The following KSR2 variants were observed in gnomAD, a reference collection of about 807,000 sequenced individuals.
KSR2 encodes the protein kinase suppressor of ras 2.
In KSR2, 25 loss-of-function variants were observed where a neutral mutation model predicts 107.8. That is an observed-to-expected ratio of 0.23 (90% CI 0.17 to 0.32). The LOEUF (loss-of-function observed/expected upper bound fraction) is 0.32. Among genes scored for constraint, KSR2 ranks in the 10% least tolerant of loss-of-function variants. KSR2 has a pLI of 1.00. For synonymous variants in KSR2, 480 were observed against 507.0 expected, an observed-to-expected ratio of 0.95 and a Z score of 0.71; for missense variants, 887 against 1,268.9, an observed-to-expected ratio of 0.70 and a Z score of 4.57.
chr12:117,808,675 T>C (rs552375793), intron 3 of KSR2, among the ~76,000 whole-genome samples: 65 of 152,210 alleles, frequency 4.3e-4, no homozygotes, highest in Non-Finnish European at 4.7e-4. Flanking sequence ...TGCCCATCTC[T>C]CCATCCTCAA....
At chr12:117,710,213 G>A (rs768367341) in intron 4 of KSR2, among the ~76,000 whole-genome samples, 6 of 149,632 alleles carry the variant, frequency 4.0e-5, no homozygotes, top group Admixed American at 2.7e-4. Flanking sequence ...TCAAACCATC[G>A]CTGCTGTTTT....
intron 2 of KSR2, among the ~76,000 whole-genome samples, chr12:117,857,776 G>C (rs549868316): frequency 6.6e-6 from 1 of 152,306 alleles, no homozygotes; most frequent in South Asian, 2.1e-4. Context: ...AGGTCACACA[G>C]CAAGTCATTG....
chr12:117,860,868 G>A (rs1196832270), intron 1 of KSR2, among the ~76,000 whole-genome samples: 8 of 152,072 alleles, frequency 5.3e-5, no homozygotes, highest in Admixed American at 3.9e-4. Flanking sequence ...ACAGGCGCGC[G>A]CCACCATGCC....
chr12:117,693,257 A>G (rs888732572), intron 4 of KSR2, among the ~76,000 whole-genome samples: 16 of 152,224 alleles, frequency 1.1e-4, no homozygotes, highest in Admixed American at 2.6e-4. Flanking sequence ...ACAGTGTGAG[A>G]TAAATACCAA....
intron 12 of KSR2, among the ~76,000 whole-genome samples, chr12:117,528,158 A>T (rs1005211481): frequency 2.0e-5 from 3 of 152,100 alleles, no homozygotes; most frequent in Non-Finnish European, 4.4e-5. Flanking sequence ...GGGTGTACAC[A>T]CAGGATGTTG....
chr12:117,837,618 G>A (rs74817264), intron 3 of KSR2, among the ~76,000 whole-genome samples: 410 of 151,590 alleles, frequency 2.7e-3, no homozygotes, highest in African/African-American at 9.2e-3. Flanking sequence ...TGATCATGAT[G>A]GCACAAGGTC....
chr12:117,720,184 G>T (rs1167316654), intron 4 of KSR2, among the ~76,000 whole-genome samples: 1 of 152,190 alleles, frequency 6.6e-6, no homozygotes, highest in Non-Finnish European at 1.5e-5. Flanking sequence ...GCCCTGATTG[G>T]GCACAGCCAG....
At chr12:117,495,506 G>A (rs1872971680) in intron 14 of KSR2, among the ~76,000 whole-genome samples, 1 of 152,234 alleles carries the variant, frequency 6.6e-6, no homozygotes, top group African/African-American at 2.4e-5. Flanking sequence ...CATTAAGTAA[G>A]GGGCTGGCTG....
chr12:117,666,291 A>G (rs1350472109), intron 5 of KSR2, among the ~76,000 whole-genome samples: 1 of 152,190 alleles, frequency 6.6e-6, no homozygotes, highest in Non-Finnish European at 1.5e-5. Context: ...TATTACATGT[A>G]CCTGCCTTTT....
At chr12:117,839,341 G>A (rs559410139) in intron 3 of KSR2, among the ~76,000 whole-genome samples, 26 of 152,326 alleles carry the variant, frequency 1.7e-4, no homozygotes, top group East Asian at 1.9e-4. Flanking sequence ...GAATCAGCCC[G>A]AGCTCAAGTG....
At chr12:117,557,818 C>T (rs1024277876) in intron 8 of KSR2, among the ~76,000 whole-genome samples, 11 of 152,156 alleles carry the variant, frequency 7.2e-5, no homozygotes, top group Admixed American at 6.5e-4. Context: ...GGGGTGATCA[C>T]CCCATAGGGC....
intron 1 of KSR2, among the ~76,000 whole-genome samples, chr12:117,866,243 G>A (rs1019491758): frequency 3.3e-5 from 5 of 151,672 alleles, no homozygotes; most frequent in Non-Finnish European, 7.4e-5. Context: ...TTGTAGAGAC[G>A]GGCTTTACTT....
At position 117,907,405 on chromosome 12, in the gene KSR2, G is replaced by A. The variant is rs943234835; in HGVS notation, c.181-46974C>T. On this transcript the variant is annotated intron_variant, in intron 1 of 19. Coordinates refer to ENST00000339824, the MANE Select transcript of KSR2 (RefSeq NM_173598.6). The surrounding 1 kb of genome is among the most constrained non-coding windows in gnomAD (Gnocchi z 4.3). ...GTGAATCCAGGTGTGCTGGGTCTGC[G>A]TGCTCAAGACGACGCTCAGCAGGTA... Among the ~76,000 whole-genome samples the A allele has an allele frequency of 3.9e-5, 6 of 152,148 alleles. No individual in the cohort carries two copies. Among genetic ancestry groups the A allele is most frequent in the African/African-American group, 9.7e-5 (4 of 41,438 alleles).
Position 117,661,118 on chromosome 12 carries a change from A to G in KSR2, c.1171+6356T>C, listed in dbSNP as rs182649388. ...CCAGCCAGGAGGAAACATCGGGCAG[A>G]CTTGAATTGAGAGATGTTCTATAAA... On this transcript the variant is annotated intron_variant, in intron 5 of 19. Coordinates refer to ENST00000339824, the MANE Select transcript of KSR2 (RefSeq NM_173598.6). Among the ~76,000 whole-genome samples the G allele has an allele frequency of 1.9e-4, 29 of 152,378 alleles. No homozygotes were observed. In the East Asian group the frequency reaches 4.8e-3, roughly 25 times the overall value.
chr12:117,740,081 C>T (rs1293383718), intron 4 of KSR2, among the ~76,000 whole-genome samples: 4 of 151,254 alleles, frequency 2.6e-5, no homozygotes, highest in Admixed American at 6.6e-5. Flanking sequence ...TCAGTGGCCC[C>T]CCACCCTTCC....
intron 10 of KSR2, among the ~76,000 whole-genome samples, chr12:117,537,650 G>A (rs540951455): frequency 3.2e-4 from 49 of 152,288 alleles, no homozygotes; most frequent in Non-Finnish European, 4.3e-4. Flanking sequence ...CAGCTTGGCT[G>A]CAGAACCCAT....
At chr12:117,913,645 G>C (rs970112492) in intron 1 of KSR2, among the ~76,000 whole-genome samples, 1 of 152,150 alleles carries the variant, frequency 6.6e-6, no homozygotes, top group African/African-American at 2.4e-5. Context: ...CACAAGCCAA[G>C]GAACGTGAGG....
intron 5 of KSR2, among the ~76,000 whole-genome samples, chr12:117,631,903 GT>G (rs1319848119): frequency 6.6e-6 from 1 of 152,178 alleles, no homozygotes; most frequent in Non-Finnish European, 1.5e-5. Flanking sequence ...GCAGCAACAA[GT>G]TCCTGGTATA....
intron 5 of KSR2, among the ~76,000 whole-genome samples, chr12:117,598,082 T>G (rs1365787076): frequency 1.3e-5 from 2 of 152,184 alleles, no homozygotes; most frequent in East Asian, 1.9e-4. Flanking sequence ...GGTGCACCCA[T>G]CACCCAAGCA....
Sources: gnomAD v4.1 joint callset for allele counts (sites outside exome capture counted in the v4.1 genomes callset) on GRCh38, gnomAD v4.1.1 for gene constraint, Gnocchi (gnomAD v3.1) non-coding constraint, MANE v1.5 for transcripts, NCBI Gene and HGNC (gene_info 2026-07-23, HGNC 2026-07-21) for gene names.